The following CNBD2 variants were observed in gnomAD, a reference collection of about 807,000 sequenced individuals.
The protein encoded by CNBD2 is cyclic nucleotide-binding domain-containing protein 2.
Under a neutral mutation model 63.7 loss-of-function variants are expected in CNBD2, and 64 were observed. That is an observed-to-expected ratio of 1.00 (90% CI 0.82 to 1.24). CNBD2 has a LOEUF of 1.24. CNBD2 is among the 50% of genes most tolerant of loss of function. The probability of loss-of-function intolerance (pLI) is 0.00; values close to 1 mark genes in which losing one functional copy is unlikely to be tolerated. For synonymous variants in CNBD2, 229 were observed against 255.4 expected (o/e 0.90, Z 0.99); for missense variants, 691 against 713.5 (o/e 0.97, Z 0.36).
At chr20:35,962,105 C>T (rs1157947167) in intron 2 of CNBD2, among the ~76,000 whole-genome samples, 1 of 152,146 alleles carries the variant, frequency 6.6e-6, no homozygotes, top group African/African-American at 2.4e-5. Context: ...CTTCTCAGCA[C>T]CCCTCATTGC....
chr20:35,974,061 C>G (rs1239777071), intron 2 of CNBD2: 2 of 153,332 alleles, frequency 1.3e-5, no homozygotes, highest in Non-Finnish European at 2.9e-5. Flanking sequence ...GAAGGAAAGG[C>G]AGCCTTAAAC....
At chr20:36,014,520 G>A (rs541045194) in intron 10 of CNBD2, among the ~76,000 whole-genome samples, 4 of 151,976 alleles carry the variant, frequency 2.6e-5, no homozygotes, top group African/African-American at 9.6e-5. Flanking sequence ...TAGTAGAGAC[G>A]GGGTTTCACC....
At chr20:36,006,089 C>T (rs1019453804) in intron 8 of CNBD2, among the ~76,000 whole-genome samples, 14 of 150,072 alleles carry the variant, frequency 9.3e-5, no homozygotes, top group Non-Finnish European at 1.5e-4. Flanking sequence ...AGTGCAGTGG[C>T]ACGATCTTGG....
At chr20:36,017,939 C>T (rs2147352638) in intron 10 of CNBD2, among the ~76,000 whole-genome samples, 1 of 152,346 alleles carries the variant, frequency 6.6e-6, no homozygotes, top group South Asian at 2.1e-4. Flanking sequence ...ACCCACACTC[C>T]CCCTGCCCCC....
At chr20:35,990,526 G>T (rs2056731112) in intron 7 of CNBD2, among the ~76,000 whole-genome samples, 1 of 152,074 alleles carries the variant, frequency 6.6e-6, no homozygotes, top group African/African-American at 2.4e-5. Flanking sequence ...CTACTTGGAG[G>T]CTGAGGCAGG....
At chr20:35,991,658 A>G (rs140028457) in intron 7 of CNBD2, among the ~76,000 whole-genome samples, 49 of 152,246 alleles carry the variant, frequency 3.2e-4, no homozygotes, top group African/African-American at 1.2e-3. Context: ...CAGCATAATG[A>G]TTACATTCTG....
chr20:36,022,415 G>C (rs2057227647), intron 10 of CNBD2, among the ~76,000 whole-genome samples: 1 of 150,634 alleles, frequency 6.6e-6, no homozygotes. Flanking sequence ...CGTCAGGATG[G>C]TCTTGATCTC....
At chr20:35,997,886 T>C (rs1203354607) in intron 8 of CNBD2, among the ~76,000 whole-genome samples, 1 of 152,164 alleles carries the variant, frequency 6.6e-6, no homozygotes, top group African/African-American at 2.4e-5. Context: ...AATTTTGATA[T>C]GTTGTATTTT....
At chr20:36,000,146 T>A (rs1019245583) in intron 8 of CNBD2, among the ~76,000 whole-genome samples, 2 of 152,232 alleles carry the variant, frequency 1.3e-5, no homozygotes, top group African/African-American at 2.4e-5. Flanking sequence ...TTCTTGTATT[T>A]CAGCTCTGTT....
chr20:35,983,197 G>T (rs2056619634), intron 4 of CNBD2, among the ~76,000 whole-genome samples: 1 of 125,650 alleles, frequency 8.0e-6, no homozygotes, highest in African/African-American at 3.0e-5. Context: ...CAAACTCCTA[G>T]GCTCAAATGA....
intron 4 of CNBD2, among the ~76,000 whole-genome samples, chr20:35,982,365 C>A (rs1042380903): frequency 6.6e-6 from 1 of 152,128 alleles, no homozygotes; most frequent in African/African-American, 2.4e-5. Flanking sequence ...TGGGACCAGT[C>A]GAATTTCTCT....
upstream of CNBD2, chr20:35,954,412 C>T (rs769228919): frequency 1.1e-5 from 17 of 1,553,584 alleles, no homozygotes; most frequent in African/African-American, 2.2e-4. Flanking sequence ...TTGAGGGAGT[C>T]GGACTCGGGA....
Position 36,011,180 on chromosome 20 carries a change from A to G in CNBD2, c.1192A>G (p.Lys398Glu). 6.3e-7 allele frequency: 1 copy of G among 1,598,256 alleles called. No homozygotes were observed. The highest frequency in any genetic ancestry group is 8.5e-7 in the Non-Finnish European group (1 of 1,171,658). Residue 398 changes from lysine (K) to glutamate (E), a missense_variant, in exon 10 of 12, where the codon AAG becomes GAG. By Grantham distance (56) the Lys-to-Glu change is moderately conservative (BLOSUM62 1). Coordinates refer to ENST00000373973, the MANE Select transcript of CNBD2 (RefSeq NM_001365709.1). ...GATCAAATGTGCCATGATCAATATC[A>G]AGCCTGGTGAGCTCCCCAAGGAGGC... ...QSIKCAMINI[K>E]PGELPKEAAV...
intron 11 of CNBD2, 136 bp downstream of exon 11, chr20:36,023,907 C>A: frequency 1.5e-6 from 1 of 653,798 alleles, no homozygotes; most frequent in Non-Finnish European, 2.5e-6. Flanking sequence ...TTGGTACACT[C>A]TAGATAGGCT....
chr20:36,002,262 C>T (rs575342166), intron 8 of CNBD2, among the ~76,000 whole-genome samples: 16 of 152,314 alleles, frequency 1.1e-4, no homozygotes, highest in South Asian at 1.0e-3. Context: ...TCAGGCGTGG[C>T]GGTGCGCGCC....
rs181596034 is a variant in CNBD2 at position 35,971,897 on chromosome 20, T to A, written c.52-732T>A. On this transcript the variant is annotated intron_variant, in intron 1 of 11. Transcript: ENST00000373973. The stretch of plus-strand genomic sequence containing the variant: ...TATAGATTCTTCTACATCCTGGATT[T>A]TTCCCTATCTTCTGTATTCACTTGT... Among the ~76,000 whole-genome samples the A allele has an allele frequency of 1.4e-4, 21 of 152,336 alleles. No homozygotes were observed. In the East Asian group the frequency reaches 3.5e-3, roughly 25 times the overall value.
At chr20:35,987,581 C>A (rs776022823) in intron 7 of CNBD2, 48 bp downstream of exon 7, 16 of 1,605,908 alleles carry the variant, frequency 1.0e-5, no homozygotes, top group Non-Finnish European at 1.4e-5. Flanking sequence ...GAGGAGCATG[C>A]CTAAGATCAT....
rs547352701 is a variant in CNBD2 at position 36,022,347 on chromosome 20, T to C, written c.1270-1255T>C. Among the ~76,000 whole-genome samples, 31 of 151,546 alleles carry C rather than the reference T, an allele frequency of 2.0e-4. 1 individual carries two copies. In the South Asian group the frequency reaches 6.1e-3, roughly 30 times the overall value. ...CCAAGTAGCCGGAACTACAGGCACG[T>C]GCCACCATGCCTGGCTAATTTTTTG... On this transcript the variant is annotated intron_variant, in intron 10 of 11. Transcript: ENST00000373973.
Position 35,980,501 on chromosome 20 carries a change from C to A in CNBD2, c.286C>A (p.Pro96Thr), listed in dbSNP as rs184047696. 172 of 1,614,080 alleles carry A rather than the reference C, an allele frequency of 1.1e-4. No homozygotes were observed. Among genetic ancestry groups the A allele is most frequent in the Non-Finnish European group, 1.4e-4 (164 of 1,180,022 alleles). ...PKAIQIMQKK[P>T]SWRTEDEIQA... ...GGCCATTCAGATCATGCAGAAGAAGCCTTCCTGGAGAACAGAGGATGAGAT... is the reference window on the plus strand; with the variant it reads ...GGCCATTCAGATCATGCAGAAGAAGACTTCCTGGAGAACAGAGGATGAGAT... Residue 96 changes from proline (P) to threonine (T), a missense_variant, in exon 4 of 12, where the codon CCT becomes ACT. Coordinates refer to ENST00000373973, the MANE Select transcript of CNBD2 (RefSeq NM_001365709.1).
Sources: gnomAD v4.1 joint callset for allele counts (sites outside exome capture counted in the v4.1 genomes callset) on GRCh38, gnomAD v4.1.1 for gene constraint, MANE v1.5 for transcripts, NCBI Gene and HGNC (gene_info 2026-07-23, HGNC 2026-07-21) for gene names.